The following SUZ12 variants were observed in gnomAD, a reference collection of about 807,000 sequenced individuals.
The protein encoded by SUZ12 is polycomb protein SUZ12.
A neutral mutation model predicts 87.3 loss-of-function variants in SUZ12; 17 were observed. That is an observed-to-expected ratio of 0.19 (90% confidence interval 0.13 to 0.29). The LOEUF is 0.29. Ranked by LOEUF, SUZ12 falls within the 10% of genes least tolerant of loss-of-function variation. SUZ12 has a pLI of 1.00. For synonymous variants in SUZ12, 253 were observed against 312.4 expected (o/e 0.81, Z 2.01); for missense variants, 526 against 912.2 (o/e 0.58, Z 5.45).
intron 9 of SUZ12, among the ~76,000 whole-genome samples, chr17:31,987,894 T>C (rs867648924): frequency 4.6e-5 from 7 of 151,260 alleles, no homozygotes; most frequent in African/African-American, 1.7e-4. Flanking sequence ...GCTGAGACCA[T>C]GCCAGTTGCA....
In SUZ12 at chr17:31,996,809, G is replaced by A; in HGVS notation, c.1806G>A (p.Glu602=). The part of the protein sequence containing the change: ...LREKTITQIE[E]FSDVNEGEKE... ...TTTCTTTTTCCCAGCAAATTGAAGAGTTTTCTGATGTTAATGAAGGAGAGA... is the reference window on the plus strand; with the variant it reads ...TTTCTTTTTCCCAGCAAATTGAAGAATTTTCTGATGTTAATGAAGGAGAGA... The change falls in exon 15 of 16, where the codon GAG becomes GAA. Residue 602 remains glutamate (E), a synonymous_variant. Transcript: ENST00000322652. The A allele has an allele frequency of 6.5e-7, 1 of 1,549,308 alleles. No individual in the cohort carries two copies. Among genetic ancestry groups the A allele is most frequent in the African/African-American group, 1.4e-5 (1 of 70,528 alleles).
At chr17:31,971,046 C>A (rs1908400760) in intron 5 of SUZ12, among the ~76,000 whole-genome samples, 1 of 152,078 alleles carries the variant, frequency 6.6e-6, no homozygotes, top group African/African-American at 2.4e-5. Flanking sequence ...AGAATATAGA[C>A]TATGGTATTC....
chr17:31,990,524 C>G (rs1482809404), intron 10 of SUZ12, among the ~76,000 whole-genome samples: 1 of 152,004 alleles, frequency 6.6e-6, no homozygotes. Flanking sequence ...ACCACTAGGC[C>G]TGGCTAATTT....
chr17:31,971,669 A>G (rs978374400), intron 5 of SUZ12, among the ~76,000 whole-genome samples: 1 of 151,766 alleles, frequency 6.6e-6, no homozygotes, highest in African/African-American at 2.4e-5. Context: ...GCCTCAGGTG[A>G]TCCACCTGCC....
At chr17:31,984,312 CATTA>C (rs1363953444) in intron 9 of SUZ12, among the ~76,000 whole-genome samples, 2 of 152,084 alleles carry the variant, frequency 1.3e-5, no homozygotes, top group Non-Finnish European at 2.9e-5. Flanking sequence ...AGAAACTGTT[CATTA>C]ATTGTGACAA....
In SUZ12 at chr17:32,000,093, T is replaced by A. The variant is rs1458112342; in HGVS notation, c.*1090T>A. 2 of 233,142 alleles carry A rather than the reference T, an allele frequency of 8.6e-6. No homozygotes were observed. The highest frequency in any genetic ancestry group is 1.7e-5 in the Non-Finnish European group (2 of 117,908). The allele number at this position is 233,142 out of a possible 1,614,324, so 14.4% of individuals were successfully genotyped here. ...GGATTTTCTCCAACAGAAAGTGGAT[T>A]CACTACTGGCACATTAACAAGCACC... is the stretch of plus-strand genomic sequence containing the variant. On this transcript the variant is annotated 3_prime_UTR_variant, in exon 16 of 16. Transcript: ENST00000322652.
chr17:31,962,494 G>A (rs1326273992), intron 4 of SUZ12, among the ~76,000 whole-genome samples: 2 of 152,192 alleles, frequency 1.3e-5, no homozygotes, highest in African/African-American at 4.8e-5. Context: ...TGGAGGCTGA[G>A]GTGGGAGAAT....
intron 3 of SUZ12, among the ~76,000 whole-genome samples, chr17:31,944,085 A>G: frequency 6.6e-6 from 1 of 152,158 alleles, no homozygotes; most frequent in Non-Finnish European, 1.5e-5. Flanking sequence ...ATTATTATAA[A>G]ATAAGTTTGC....
At chr17:31,975,931 A>G (rs1365472797) in intron 7 of SUZ12, among the ~76,000 whole-genome samples, 2 of 152,164 alleles carry the variant, frequency 1.3e-5, no homozygotes, top group East Asian at 3.8e-4. Context: ...TAGATTCAAC[A>G]ATGAACATTT....
At chr17:31,958,973 G>A (rs1346096293) in intron 4 of SUZ12, among the ~76,000 whole-genome samples, 10 of 152,224 alleles carry the variant, frequency 6.6e-5, no homozygotes, top group East Asian at 3.9e-4. Context: ...AGCAGATATC[G>A]CACCACTGCA....
intron 5 of SUZ12, among the ~76,000 whole-genome samples, chr17:31,969,302 T>A (rs189825556): frequency 2.0e-5 from 3 of 152,072 alleles, no homozygotes; most frequent in Non-Finnish European, 4.4e-5. Context: ...TGCACCACCA[T>A]GCCCCGCTAA....
chr17:31,989,092 A>G (rs1199827771), intron 10 of SUZ12, among the ~76,000 whole-genome samples: 1 of 151,852 alleles, frequency 6.6e-6, no homozygotes, highest in East Asian at 2.0e-4. Context: ...AAAGTAAGTC[A>G]ATAAATTAAA....
At chr17:31,955,092 C>T (rs1417347213) in intron 4 of SUZ12, among the ~76,000 whole-genome samples, 1 of 152,002 alleles carries the variant, frequency 6.6e-6, no homozygotes, top group African/African-American at 2.4e-5. Flanking sequence ...GCTCTGTTGT[C>T]TTACTTTATT....
At chr17:31,983,666 C>T (rs1186656959) in intron 9 of SUZ12, among the ~76,000 whole-genome samples, 5 of 152,156 alleles carry the variant, frequency 3.3e-5, no homozygotes, top group Admixed American at 2.6e-4. Flanking sequence ...GTTACTTATC[C>T]ATGTCTCAGT....
chr17:31,955,691 G>A (rs1907274744), intron 4 of SUZ12, among the ~76,000 whole-genome samples: 1 of 151,644 alleles, frequency 6.6e-6, no homozygotes, highest in Admixed American at 6.6e-5. Context: ...GAGGTTGCAG[G>A]GAGGAGAGAT....
intron 15 of SUZ12, among the ~76,000 whole-genome samples, chr17:31,997,630 C>T (rs1338011673): frequency 6.9e-6 from 1 of 145,668 alleles, no homozygotes; most frequent in Non-Finnish European, 1.5e-5. Flanking sequence ...TGCACCACTG[C>T]ACTCCAGCCT....
intron 3 of SUZ12, among the ~76,000 whole-genome samples, chr17:31,943,324 A>G (rs1053746034): frequency 6.6e-6 from 1 of 152,244 alleles, no homozygotes; most frequent in African/African-American, 2.4e-5. Flanking sequence ...TGAGGATATT[A>G]TGTAGGTACT....
intron 8 of SUZ12, among the ~76,000 whole-genome samples, chr17:31,980,471 C>T (rs1250569925): frequency 7.6e-5 from 4 of 52,296 alleles, no homozygotes; most frequent in East Asian, 1.6e-3. Flanking sequence ...TTTTTTGAGA[C>T]GGAGTTTTGC....
intron 4 of SUZ12, among the ~76,000 whole-genome samples, chr17:31,949,600 C>T (rs954948198): frequency 5.6e-5 from 7 of 125,244 alleles, no homozygotes; most frequent in Admixed American, 4.0e-4. Flanking sequence ...TGGATTCAAG[C>T]AATTATCCTG....
Sources: allele counts gnomAD v4.1 joint callset (sites outside exome capture counted in the v4.1 genomes callset), GRCh38; gene constraint gnomAD v4.1.1; transcripts MANE v1.5; gene names NCBI Gene and HGNC (gene_info 2026-07-23, HGNC 2026-07-21).